THSD4: variants seen among roughly 807,000 people sequenced by gnomAD.
THSD4 encodes the protein thrombospondin type 1 domain containing 4.
THSD4 carries 69 observed loss-of-function variants against 119.0 expected under a neutral mutation model. The ratio of observed to expected loss-of-function variants is 0.58; its 90% CI spans 0.48 to 0.71. The LOEUF (loss-of-function observed/expected upper bound fraction) is 0.71, where lower values mean the gene tolerates loss of function less well. Among genes scored for constraint, THSD4 ranks in the 30% least tolerant of loss-of-function variants. The probability of loss-of-function intolerance (pLI) is 0.00; values close to 1 mark genes in which losing one functional copy is unlikely to be tolerated. For synonymous variants in THSD4, 524 were observed against 540.4 expected, an observed-to-expected ratio of 0.97 and a Z score of 0.42; for missense variants, 1,393 against 1,391.1, an observed-to-expected ratio of 1.00 and a Z score of -0.02.
intron 6 of THSD4, among the ~76,000 whole-genome samples, chr15:71,362,780 C>G (rs2045909272): frequency 6.6e-6 from 1 of 152,182 alleles, no homozygotes; most frequent in African/African-American, 2.4e-5. Context: ...CATCCTCCCC[C>G]TCCCTCCACA....
chr15:71,127,230 A>G (rs2040463474), intron 1 of THSD4, among the ~76,000 whole-genome samples: 1 of 152,182 alleles, frequency 6.6e-6, no homozygotes, highest in African/African-American at 2.4e-5. Flanking sequence ...CTGCAGGTTC[A>G]TCCATGTTGT....
At chr15:71,635,376 CACA>C (rs2050719421) in intron 7 of THSD4, among the ~76,000 whole-genome samples, 1 of 152,234 alleles carries the variant, frequency 6.6e-6, no homozygotes, top group East Asian at 1.9e-4. Flanking sequence ...CACACACACA[CACA>C]CACACACACA....
chr15:71,505,975 G>A (rs184296324), intron 7 of THSD4, among the ~76,000 whole-genome samples: 3 of 152,196 alleles, frequency 2.0e-5, no homozygotes, highest in Non-Finnish European at 4.4e-5. Flanking sequence ...TTGTAAAGTG[G>A]TAAAATGGTG....
upstream of THSD4, chr15:71,111,099 C>A (rs748025927): frequency 3.2e-6 from 5 of 1,541,668 alleles, no homozygotes; most frequent in Admixed American, 9.9e-5. Flanking sequence ...GGGAAATAAT[C>A]TGAATATCTG....
chr15:71,762,645 T>C (rs922763903), intron 15 of THSD4, among the ~76,000 whole-genome samples: 5 of 152,238 alleles, frequency 3.3e-5, no homozygotes, highest in African/African-American at 9.6e-5. Context: ...CTGCTGCAGC[T>C]TGTGGCTCTT....
rs921956769 is a variant in THSD4, at chr15:71,305,955, G to A, written c.1015+49240G>A. Among the ~76,000 whole-genome samples, 5 of 152,130 alleles carry A rather than the reference G, an allele frequency of 3.3e-5. No individual in the cohort carries two copies. The South Asian group carries it at 1.0e-3, about 32-fold the overall frequency. On this transcript the variant is annotated intron_variant, in intron 6 of 17. Transcript: ENST00000261862. ...CCTATGCAGCTTTCCCTTTATTACT[G>A]GAGGAAGTGTGAAGATAACTTTTTC...
chr15:71,525,209 G>A (rs2048501888), intron 7 of THSD4, among the ~76,000 whole-genome samples: 1 of 152,006 alleles, frequency 6.6e-6, no homozygotes, highest in Admixed American at 6.6e-5. Context: ...CAGCCTCAAG[G>A]GATAGGTACC....
At chr15:71,295,984 A>G (rs1413653718) in intron 6 of THSD4, among the ~76,000 whole-genome samples, 4 of 152,202 alleles carry the variant, frequency 2.6e-5, no homozygotes, top group African/African-American at 9.6e-5. Context: ...TGTAGCATGT[A>G]TTGATAGCCT....
intron 7 of THSD4, among the ~76,000 whole-genome samples, chr15:71,439,331 A>G (rs2047057664): frequency 6.6e-6 from 1 of 152,206 alleles, no homozygotes. Flanking sequence ...TATTTTCACA[A>G]TTCCCAGCAA....
intron 11 of THSD4, among the ~76,000 whole-genome samples, chr15:71,744,169 TTTAA>T (rs1232715500): frequency 6.7e-6 from 1 of 149,454 alleles, no homozygotes; most frequent in Non-Finnish European, 1.5e-5. Context: ...TTTTTTTTTT[TTTAA>T]TTGACACCTA....
At chr15:71,217,116 T>C (rs2043939498) in intron 4 of THSD4, among the ~76,000 whole-genome samples, 2 of 152,200 alleles carry the variant, frequency 1.3e-5, no homozygotes, top group Non-Finnish European at 2.9e-5. Flanking sequence ...TTATCTGAAA[T>C]GCATATGGCC....
chr15:71,630,513 T>C (rs1319032542), intron 7 of THSD4, among the ~76,000 whole-genome samples: 2 of 152,218 alleles, frequency 1.3e-5, no homozygotes, highest in Non-Finnish European at 2.9e-5. Flanking sequence ...GCTCTGAGCA[T>C]GACTGTGCAA....
intron 6 of THSD4, among the ~76,000 whole-genome samples, chr15:71,343,163 C>G (rs1425235166): frequency 1.3e-5 from 2 of 152,138 alleles, no homozygotes; most frequent in East Asian, 3.9e-4. Flanking sequence ...GGTGGAGGCT[C>G]TCTTAAGGCC....
At chr15:71,664,531 G>A (rs2051377051) in intron 8 of THSD4, among the ~76,000 whole-genome samples, 1 of 152,062 alleles carries the variant, frequency 6.6e-6, no homozygotes, top group African/African-American at 2.4e-5. Context: ...TTAGCTTCAG[G>A]TGTACATGTG....
At position 71,583,424 on chromosome 15, in the gene THSD4, T is replaced by C. The variant is rs564787597; in HGVS notation, c.1153-77106T>C. The stretch of plus-strand genomic sequence containing the variant: ...TTTCATTTATTTCTGCTATAATCTT[T>C]ATTACTTTCTTCCTTCTGTGAATTT... On this transcript the variant is annotated intron_variant, in intron 7 of 17. Transcript: ENST00000261862. Among the ~76,000 whole-genome samples the C allele has an allele frequency of 2.0e-5, 3 of 151,764 alleles. No individual in the cohort carries two copies. The South Asian group carries it at 6.2e-4, about 32-fold the overall frequency.
Position 71,705,578 on chromosome 15 carries a change from C to T in THSD4, c.1358-22971C>T, listed in dbSNP as rs557912331. Among the ~76,000 whole-genome samples the T allele has an allele frequency of 3.3e-5, 5 of 152,268 alleles. No individual in the cohort carries two copies. The South Asian group carries it at 1.0e-3, about 32-fold the overall frequency. On this transcript the variant is annotated intron_variant, in intron 8 of 17. Transcript: ENST00000261862. ...GCCCCTTATAGACCAACACTCTCAG[C>T]AGCTGCCAGGCTGGCCCACCCCTTA...
At chr15:71,736,155 T>C (rs1488205169) in intron 10 of THSD4, among the ~76,000 whole-genome samples, 1 of 97,078 alleles carries the variant, frequency 1.0e-5, no homozygotes, top group African/African-American at 3.2e-5. Context: ...CCGTCTCTCT[T>C]GCTCTCTGTC....
intron 7 of THSD4, among the ~76,000 whole-genome samples, chr15:71,532,471 C>T (rs1010404977): frequency 7.4e-6 from 1 of 134,488 alleles, no homozygotes; most frequent in Non-Finnish European, 1.5e-5. Flanking sequence ...CTGCCATGCC[C>T]AGCAATTTTT....
intron 7 of THSD4, among the ~76,000 whole-genome samples, chr15:71,620,881 G>A (rs1021216200): frequency 4.6e-5 from 7 of 152,122 alleles, no homozygotes; most frequent in African/African-American, 1.7e-4. Context: ...GTCAGTTTCT[G>A]GCTGGGAGTC....
Sources: allele counts gnomAD v4.1 joint callset (sites outside exome capture counted in the v4.1 genomes callset), GRCh38; gene constraint gnomAD v4.1.1; transcripts MANE v1.5; gene names NCBI Gene and HGNC (gene_info 2026-07-23, HGNC 2026-07-21).